Variants in HELZ2 observed in about 807,000 individuals in gnomAD.
HELZ2 encodes the protein helicase with zinc finger 2.
HELZ2 carries 143 observed loss-of-function variants against 208.8 expected under a neutral mutation model. The observed-to-expected ratio is 0.68, with a 90% CI of 0.60 to 0.79. HELZ2 has a LOEUF of 0.79. Among genes scored for constraint, HELZ2 ranks in the 30% least tolerant of loss-of-function variants. The probability of loss-of-function intolerance (pLI) is 0.00; values close to 1 mark genes in which losing one functional copy is unlikely to be tolerated. For synonymous variants in HELZ2, 1,705 were observed against 1,693.7 expected (o/e 1.01, Z -0.16); for missense variants, 3,690 against 3,794.5 (o/e 0.97, Z 0.72).
chr20:63,559,046 AGATGCC>A, downstream of HELZ2: 1 of 563,354 alleles, frequency 1.8e-6, no homozygotes, highest in Non-Finnish European at 3.1e-6. Flanking sequence ...TCCTGTCCCC[AGATGCC>A]CAGGAGGAGC....
At chr20:63,563,374 C>A in exon 8 of HELZ2, 1 of 1,537,190 alleles carries the variant, frequency 6.5e-7, no homozygotes, top group South Asian at 1.2e-5. Context: ...TGTGTGGGTC[C>A]GGCACAGTGC....
intron 5 of HELZ2, 108 bp from the exon 7 acceptor site, chr20:63,567,735 C>A: frequency 6.8e-7 from 1 of 1,479,890 alleles, no homozygotes; most frequent in South Asian, 1.3e-5. Flanking sequence ...CAGCCCTTGT[C>A]TGGCTGTCAG....
chr20:63,570,899 C>T, intron 1 of HELZ2, 31 bp from the exon 3 acceptor site: 3 of 1,536,472 alleles, frequency 2.0e-6, no homozygotes, highest in East Asian at 2.3e-5. Flanking sequence ...CAGGGCTACA[C>T]AGAGGCACAG....
At chr20:63,561,561 C>A in intron 12 of HELZ2, 40 bp downstream of exon 13, 2 of 1,581,496 alleles carry the variant, frequency 1.3e-6, no homozygotes, top group Non-Finnish European at 1.7e-6. Flanking sequence ...CTGGACAGCT[C>A]GGCCCCACTC....
In HELZ2 at chr20:63,564,255, T is replaced by C. The variant is rs756679717; in HGVS notation, c.4567A>G (p.Ile1523Val). The change falls in exon 8 of 19, where the codon ATC (isoleucine) becomes GTC (valine). Residue 1523 changes from isoleucine to valine, a missense_variant. By Grantham distance (29) the Ile-to-Val change is conservative. Transcript: ENST00000467148. ...TGAATCATGTACTCCTTCACCATGA[T>C]GTGGGCCGCGCGGAAGCCCAGGGTG... is the stretch of plus-strand genomic sequence containing the variant. The C allele has an allele frequency of 2.4e-5, 38 of 1,611,608 alleles. No individual in the cohort carries two copies. The highest frequency in any genetic ancestry group is 4.0e-5 in the African/African-American group (3 of 74,916).
At chr20:63,559,615 G>GCA (rs1202433352) in intron 18 of HELZ2, among the ~76,000 whole-genome samples, 1 of 76,390 alleles carries the variant, frequency 1.3e-5, no homozygotes, top group African/African-American at 4.5e-5. Context: ...AGGGTCAGAT[G>GCA]GGAGTCAGTC....
exon 3 of HELZ2, chr20:63,570,570 C>A: frequency 6.2e-7 from 1 of 1,613,308 alleles, no homozygotes; most frequent in Non-Finnish European, 8.5e-7. Context: ...ACATCAGGGG[C>A]TGGTTGCAGG....
At chr20:63,568,383 C>A in exon 5 of HELZ2, 8 of 1,611,104 alleles carry the variant, frequency 5.0e-6, no homozygotes, top group Non-Finnish European at 6.8e-6. Context: ...CAGATGAGCA[C>A]CTTGGTTTCA....
At chr20:63,559,787 A>ATGGGAGTCAGT in intron 18 of HELZ2, 141 bp downstream of exon 19, 1 of 482,986 alleles carries the variant, frequency 2.1e-6, no homozygotes, top group Non-Finnish European at 3.5e-6. Flanking sequence ...AGTCAGTCAG[A>ATGGGAGTCAGT]GTCAGGTGGG....
chr20:63,560,453 C>T (rs1362700559), intron 16 of HELZ2, 26 bp downstream of exon 17: 1 of 1,604,048 alleles, frequency 6.2e-7, no homozygotes, highest in Non-Finnish European at 8.5e-7. Context: ...AAAGCCCTCC[C>T]TGACTCACAG....
chr20:63,566,634 A>G (rs310637), intron 6 of HELZ2, among the ~76,000 whole-genome samples, 181 bp from the exon 8 acceptor site: 3,713 of 100,158 alleles, frequency 0.037, no homozygotes, highest in Middle Eastern at 0.08. Flanking sequence ...GGACGCAGTG[A>G]GGACTGGGCC....
chr20:63,567,346 T>C, exon 6 of HELZ2: 1 of 1,605,590 alleles, frequency 6.2e-7, no homozygotes, highest in Non-Finnish European at 8.5e-7. Flanking sequence ...CTCCAGCATC[T>C]GGGCCGCCTC....
At chr20:63,564,112 A>G (rs373866283) in exon 8 of HELZ2, 6 of 1,610,670 alleles carry the variant, frequency 3.7e-6, no homozygotes, top group Non-Finnish European at 5.1e-6. Context: ...CCCGGTCCCC[A>G]TGCTTCTCAC....
chr20:63,560,415 C>T, intron 16 of HELZ2, 64 bp downstream of exon 17: 3 of 1,593,890 alleles, frequency 1.9e-6, no homozygotes, highest in Admixed American at 3.4e-5. Context: ...AAGCACCAGA[C>T]ACTCACCACC....
Position 63,564,573 on chromosome 20 carries a change from T to G in HELZ2, c.4249A>C (p.Ser1417Arg), listed in dbSNP as rs892209975. ...AGGCGGTCCCGGCCAGGCAGGAGGC[T>G]GAGGACGTCCTGGCAGAGGCTGGCC... The change falls in exon 8 of 19, where the codon AGC becomes CGC. Residue 1417 changes from serine to arginine, a missense_variant. By Grantham distance (110) the Ser-to-Arg change is moderately radical. Around this residue, in one of 3 missense-constraint regions of HELZ2, gnomAD observed 2,564 missense variants for 2,580.5 expected, o/e 0.99. Transcript: ENST00000467148. 4.5e-5 allele frequency: 70 copies of G among 1,568,230 alleles called. No homozygotes were observed. The highest frequency in any genetic ancestry group is 5.1e-5 in the Non-Finnish European group (59 of 1,157,330).
At chr20:63,564,046 G>C (rs116272088) in exon 8 of HELZ2, 1 of 1,603,812 alleles carries the variant, frequency 6.2e-7, no homozygotes, top group South Asian at 1.1e-5. Flanking sequence ...GCCGCGTGTC[G>C]GGGGGACTGC....
At chr20:63,572,309 T>A in exon 1 of HELZ2, 1 of 1,587,200 alleles carries the variant, frequency 6.3e-7, no homozygotes, top group Non-Finnish European at 8.5e-7. Context: ...CGTGCGCCCG[T>A]CGCCATCAGG....
chr20:63,562,554 T>C, exon 8 of HELZ2: 1 of 1,595,630 alleles, frequency 6.3e-7, no homozygotes. Flanking sequence ...AGCTCAACGG[T>C]GAACAGGGTG....
exon 8 of HELZ2, chr20:63,566,073 C>T: frequency 6.3e-7 from 1 of 1,586,470 alleles, no homozygotes; most frequent in Non-Finnish European, 8.5e-7. Flanking sequence ...GAGCAGAGGG[C>T]CACGGCGTCC....
Sources: gnomAD v4.1 joint callset for allele counts (sites outside exome capture counted in the v4.1 genomes callset) on GRCh38, gnomAD v4.1.1 for gene constraint, gnomAD v4.1.1 regional missense constraint, MANE v1.5 for transcripts, NCBI Gene and HGNC (gene_info 2026-07-23, HGNC 2026-07-21) for gene names.